KCNU1: variants seen among roughly 807,000 people sequenced by gnomAD.
KCNU1 encodes potassium channel subfamily U member 1.
KCNU1 carries 93 observed loss-of-function variants against 126.8 expected under a neutral mutation model. The ratio of observed to expected loss-of-function variants is 0.73; its 90% CI spans 0.62 to 0.87. The LOEUF (loss-of-function observed/expected upper bound fraction) is 0.87, where lower values mean the gene tolerates loss of function less well. Among genes scored for constraint, KCNU1 ranks in the 40% least tolerant of loss-of-function variants. The pLI, the probability that KCNU1 is intolerant of heterozygous loss-of-function variation, is 0.00. For synonymous variants in KCNU1, 523 were observed against 494.2 expected (o/e 1.06, Z -0.77); for missense variants, 1,330 against 1,367.1 (o/e 0.97, Z 0.43).
At chr8:36,808,200 A>G (rs1286671955) in intron 6 of KCNU1, among the ~76,000 whole-genome samples, 1 of 152,044 alleles carries the variant, frequency 6.6e-6, no homozygotes, top group African/African-American at 2.4e-5. Flanking sequence ...CTTAGGTGAC[A>G]AGGGCCCCTC....
At chr8:36,935,143 A>G (rs1808815043) in intron 26 of KCNU1, among the ~76,000 whole-genome samples, 1 of 152,022 alleles carries the variant, frequency 6.6e-6, no homozygotes. Context: ...AATCAAATAG[A>G]CCTGGAGTAA....
intron 18 of KCNU1, among the ~76,000 whole-genome samples, chr8:36,856,516 G>T (rs748766154): frequency 6.6e-6 from 1 of 152,150 alleles, no homozygotes; most frequent in East Asian, 1.9e-4. Flanking sequence ...TGAAGCTTTT[G>T]ATGTTGCTCA....
At chr8:36,843,196 C>T (rs1227108616) in intron 16 of KCNU1, among the ~76,000 whole-genome samples, 1 of 152,124 alleles carries the variant, frequency 6.6e-6, no homozygotes, top group Non-Finnish European at 1.5e-5. Flanking sequence ...AGACCAGAAA[C>T]ATGAATATTT....
intron 1 of KCNU1, among the ~76,000 whole-genome samples, chr8:36,786,320 A>T (rs899586168): frequency 6.6e-6 from 1 of 152,200 alleles, no homozygotes; most frequent in African/African-American, 2.4e-5. Context: ...ATTCTATATT[A>T]ATGTCATACC....
chr8:36,876,178 C>T lies in KCNU1; in HGVS notation c.2009+11657C>T, dbSNP rs111744848. On this transcript the variant is annotated intron_variant, in intron 19 of 26. Transcript: ENST00000399881. Reference sequence around the variant, plus strand: ...ACTAATCGATTTCCATCATGCATCCCCTAGGCCGACACAGGACAAGTTCTG... The same window carrying T: ...ACTAATCGATTTCCATCATGCATCCTCTAGGCCGACACAGGACAAGTTCTG... 1.8e-3 allele frequency among the ~76,000 whole-genome samples: 277 copies of T among 152,238 alleles called. 2 individuals are homozygous for T. The highest frequency in any genetic ancestry group is 6.3e-3 in the African/African-American group (263 of 41,544).
At chr8:36,825,463 C>T (rs1804283833) in intron 10 of KCNU1, among the ~76,000 whole-genome samples, 1 of 152,144 alleles carries the variant, frequency 6.6e-6, no homozygotes, top group Non-Finnish European at 1.5e-5. Context: ...TTTACCCTAA[C>T]ATTTAACCTT....
intron 19 of KCNU1, among the ~76,000 whole-genome samples, chr8:36,898,238 A>G (rs1807273992): frequency 6.6e-6 from 1 of 152,060 alleles, no homozygotes; most frequent in Non-Finnish European, 1.5e-5. Context: ...AAATATTCAT[A>G]TACCCTGCAA....
intron 10 of KCNU1, among the ~76,000 whole-genome samples, chr8:36,826,737 T>C (rs774056309): frequency 1.3e-5 from 2 of 152,122 alleles, no homozygotes; most frequent in Non-Finnish European, 2.9e-5. Flanking sequence ...TAACTTTTAT[T>C]TTCATTTCAG....
chr8:36,918,996 G>A, intron 23 of KCNU1, 99 bp downstream of exon 23: 1 of 797,552 alleles, frequency 1.3e-6, no homozygotes, highest in Non-Finnish European at 2.2e-6. Flanking sequence ...ACAGGACTCA[G>A]GAACCAGAAT....
chr8:36,808,309 C>T (rs1803580378), intron 6 of KCNU1, among the ~76,000 whole-genome samples: 1 of 152,040 alleles, frequency 6.6e-6, no homozygotes, highest in Non-Finnish European at 1.5e-5. Context: ...AAATCTGCTC[C>T]CTGGATTTCT....
At position 36,814,342 on chromosome 8, in the gene KCNU1, C is replaced by T. The variant is rs1375829484; in HGVS notation, c.868C>T (p.Arg290Trp). The T allele has an allele frequency of 2.7e-5, 44 of 1,612,098 alleles. No individual in the cohort carries two copies. The highest frequency in any genetic ancestry group is 3.1e-5 in the Non-Finnish European group (37 of 1,178,940). Residue 290 changes from arginine (R) to tryptophan (W), a missense_variant, in exon 8 of 27, where the codon CGG becomes TGG. By Grantham distance (101) the Arg-to-Trp change is moderately radical. This residue lies in a region of KCNU1 where 1,054 missense variants were observed against 1,053.9 expected (regional missense o/e 1.00). Transcript: ENST00000399881. ...GDVVAKTSLGRTFIMFFTLGS... is the reference protein window; with the variant it reads ...GDVVAKTSLGWTFIMFFTLGS... Reference sequence around the variant, plus strand: ...TGTGGTAGCCAAGACATCCTTAGGACGGACCTTCATCATGTTCTTCACACT... The same window carrying T: ...TGTGGTAGCCAAGACATCCTTAGGATGGACCTTCATCATGTTCTTCACACT...
intron 18 of KCNU1, among the ~76,000 whole-genome samples, chr8:36,859,903 G>T (rs936047607): frequency 6.6e-6 from 1 of 152,098 alleles, no homozygotes. Context: ...AATATAAAAA[G>T]CATTAAGCCT....
At chr8:36,899,986 C>T (rs1483340166) in intron 19 of KCNU1, among the ~76,000 whole-genome samples, 1 of 152,088 alleles carries the variant, frequency 6.6e-6, no homozygotes, top group Non-Finnish European at 1.5e-5. Flanking sequence ...TTCCTCTTCC[C>T]AGATGGTTTC....
At chr8:36,862,134 T>C (rs1468709684) in intron 18 of KCNU1, among the ~76,000 whole-genome samples, 1 of 152,140 alleles carries the variant, frequency 6.6e-6, no homozygotes, top group African/African-American at 2.4e-5. Flanking sequence ...CCATTTCAAC[T>C]TTCCTCGCCT....
At chr8:36,851,960 T>C (rs758804014) in intron 18 of KCNU1, among the ~76,000 whole-genome samples, 4 of 152,116 alleles carry the variant, frequency 2.6e-5, no homozygotes, top group Non-Finnish European at 5.9e-5. Flanking sequence ...TTCCTGACCA[T>C]AGGGGGAAGG....
chr8:36,908,548 C>A (rs887928343), intron 20 of KCNU1, among the ~76,000 whole-genome samples: 1 of 126,274 alleles, frequency 7.9e-6, no homozygotes, highest in African/African-American at 3.0e-5. Context: ...CATGGATGAA[C>A]CTGGAGACCA....
intron 24 of KCNU1, chr8:36,928,917 T>C: frequency 1.6e-6 from 1 of 639,112 alleles, no homozygotes; most frequent in East Asian, 2.9e-5. Context: ...AGATCTGGGA[T>C]CCCAGAAATC....
chr8:36,932,904 T>C lies in KCNU1; in HGVS notation c.2932-16T>C, dbSNP rs573476716. The C allele has an allele frequency of 1.4e-5, 20 of 1,457,342 alleles. No individual in the cohort carries two copies. The South Asian group carries it at 2.2e-4, about 16-fold the overall frequency. The allele number at this position is 1,457,342 out of a possible 1,614,324, so 90.3% of individuals were successfully genotyped here. A position where few individuals can be genotyped will look rare whatever the true frequency, so the allele number is the denominator to read the frequency against. Reference sequence around the variant, plus strand: ...AAAGTGCCCAGCAGACATATTTTTGTCTCTTCTCTCCCCAGCCAAGAAACA... The same window carrying C: ...AAAGTGCCCAGCAGACATATTTTTGCCTCTTCTCTCCCCAGCCAAGAAACA... On this transcript the variant is annotated splice_polypyrimidine_tract_variant and intron_variant, in intron 25 of 26. Coordinates refer to ENST00000399881, the MANE Select transcript of KCNU1 (RefSeq NM_001031836.3).
intron 2 of KCNU1, among the ~76,000 whole-genome samples, chr8:36,790,699 C>A (rs1230313656): frequency 6.6e-6 from 1 of 152,090 alleles, no homozygotes; most frequent in Non-Finnish European, 1.5e-5. Context: ...ATCATCTTCA[C>A]CACCCTCCCT....
Sources: gnomAD v4.1 joint callset for allele counts (sites outside exome capture counted in the v4.1 genomes callset) on GRCh38, gnomAD v4.1.1 for gene constraint, gnomAD v4.1.1 regional missense constraint, MANE v1.5 for transcripts, NCBI Gene and HGNC (gene_info 2026-07-23, HGNC 2026-07-21) for gene names.